The following SLIT3 variants were observed in gnomAD, a reference collection of about 807,000 sequenced individuals.
SLIT3 encodes the protein slit guidance ligand 3.
A neutral mutation model predicts 184.0 loss-of-function variants in SLIT3; 68 were observed. That is an observed-to-expected ratio of 0.37 (90% CI 0.30 to 0.45). SLIT3 has a LOEUF of 0.45. Among genes scored for constraint, SLIT3 ranks in the 20% least tolerant of loss-of-function variants. The pLI is 1.00. For synonymous variants in SLIT3, 831 were observed against 828.6 expected (o/e 1.00, Z -0.05); for missense variants, 1,707 against 2,026.0 (o/e 0.84, Z 3.02).
chr5:168,750,843 A>T (rs1230398806), intron 18 of SLIT3, among the ~76,000 whole-genome samples: 2 of 152,086 alleles, frequency 1.3e-5, no homozygotes, highest in African/African-American at 4.8e-5. Context: ...CAAAACAGCC[A>T]CAAATCCCTG....
At chr5:169,146,568 C>A (rs1419841957) in intron 4 of SLIT3, among the ~76,000 whole-genome samples, 1 of 152,142 alleles carries the variant, frequency 6.6e-6, no homozygotes, top group Admixed American at 6.5e-5. Flanking sequence ...TCTCTGTTAT[C>A]CACCTGCTCA....
intron 30 of SLIT3, 61 bp from the exon 31 acceptor site, chr5:168,685,988 GT>G: frequency 1.3e-6 from 2 of 1,526,614 alleles, no homozygotes; most frequent in Non-Finnish European, 1.8e-6. Context: ...GACAATCACA[GT>G]TACTCAGGCC....
intron 6 of SLIT3, among the ~76,000 whole-genome samples, chr5:168,824,069 CT>C (rs1256169223): frequency 6.6e-6 from 1 of 152,180 alleles, no homozygotes; most frequent in Non-Finnish European, 1.5e-5. Flanking sequence ...CTGCCTCCAC[CT>C]CTCAAGTAGC....
chr5:169,295,563 A>C (rs1767475540), intron 1 of SLIT3, among the ~76,000 whole-genome samples: 1 of 152,254 alleles, frequency 6.6e-6, no homozygotes, highest in Non-Finnish European at 1.5e-5. Context: ...ACAGTGCAAC[A>C]GCAAGATGTA....
chr5:168,796,469 C>A (rs1756569003), intron 9 of SLIT3, among the ~76,000 whole-genome samples: 1 of 152,164 alleles, frequency 6.6e-6, no homozygotes, highest in Non-Finnish European at 1.5e-5. Flanking sequence ...CTGGCCCAGG[C>A]TCAGGATCTC....
chr5:168,739,123 T>C (rs149912016), intron 20 of SLIT3, among the ~76,000 whole-genome samples: 6 of 152,294 alleles, frequency 3.9e-5, no homozygotes, highest in African/African-American at 1.4e-4. Context: ...AAAAAATATA[T>C]TGTATAATGA....
At chr5:168,786,791 G>A (rs1756168903) in intron 11 of SLIT3, among the ~76,000 whole-genome samples, 1 of 152,042 alleles carries the variant, frequency 6.6e-6, no homozygotes, top group Non-Finnish European at 1.5e-5. Context: ...CTCTTCAAAG[G>A]CACTAGAGAA....
At chr5:169,129,044 G>A (rs1761188159) in intron 4 of SLIT3, among the ~76,000 whole-genome samples, 1 of 152,188 alleles carries the variant, frequency 6.6e-6, no homozygotes, top group African/African-American at 2.4e-5. Flanking sequence ...CTTGGACACG[G>A]CAGGGGAGCG....
intron 5 of SLIT3, among the ~76,000 whole-genome samples, chr5:168,854,791 G>A (rs750848451): frequency 3.3e-5 from 5 of 152,340 alleles, no homozygotes; most frequent in Admixed American, 1.3e-4. Flanking sequence ...TAGGGTGTTC[G>A]GGGTGAGTGG....
intron 6 of SLIT3, among the ~76,000 whole-genome samples, chr5:168,842,469 G>GTGT (rs1554147712): frequency 3.4e-5 from 3 of 88,100 alleles, no homozygotes; most frequent in African/African-American, 1.4e-4. Context: ...CCGTTTTTTC[G>GTGT]TTTTTTTTTT....
chr5:169,125,864 C>G (rs1278448865), intron 4 of SLIT3, among the ~76,000 whole-genome samples: 5 of 152,196 alleles, frequency 3.3e-5, no homozygotes, highest in African/African-American at 1.2e-4. Flanking sequence ...ATTTCCTGAG[C>G]AAAGTTCTTT....
chr5:168,849,544 C>T (rs1758599197), intron 5 of SLIT3, among the ~76,000 whole-genome samples: 1 of 152,138 alleles, frequency 6.6e-6, no homozygotes, highest in Admixed American at 6.5e-5. Flanking sequence ...TCATGAAATC[C>T]AACAAGGAAT....
intron 4 of SLIT3, among the ~76,000 whole-genome samples, chr5:169,011,737 G>A (rs1235614550): frequency 6.6e-6 from 1 of 152,188 alleles, no homozygotes; most frequent in Non-Finnish European, 1.5e-5. Context: ...CACTTGAAAA[G>A]TAACCCGATG....
rs569447422 is a variant in SLIT3, at chr5:168,802,899, G to A, written c.935+3547C>T. Among the ~76,000 whole-genome samples the A allele has an allele frequency of 5.3e-5, 8 of 152,296 alleles. No homozygotes were observed. In the South Asian group the frequency reaches 6.2e-4, roughly 12 times the overall value. Reference sequence around the variant, plus strand: ...GTAAGGAGGTGCCATTAGCCTCTGCGTTTTGCAACTGAGGAAACCAAGGCT... The same window carrying A: ...GTAAGGAGGTGCCATTAGCCTCTGCATTTTGCAACTGAGGAAACCAAGGCT... On this transcript the variant is annotated intron_variant, in intron 9 of 35. Transcript: ENST00000519560.
At chr5:168,756,684 A>T (rs1200223385) in intron 16 of SLIT3, among the ~76,000 whole-genome samples, 1 of 152,022 alleles carries the variant, frequency 6.6e-6, no homozygotes, top group Non-Finnish European at 1.5e-5. Context: ...ACTGCCAATT[A>T]CCCCCAAATG....
Position 168,855,939 on chromosome 5 carries a change from T to C in SLIT3, c.486-11284A>G, listed in dbSNP as rs550945496. On this transcript the variant is annotated intron_variant, in intron 5 of 35. Coordinates refer to ENST00000519560, the MANE Select transcript of SLIT3 (RefSeq NM_003062.4). ...CTGGCCAATATGGTGAAACCCCATC[T>C]CTACTAAAAATATAAAAAAATTACC... Among the ~76,000 whole-genome samples the C allele has an allele frequency of 2.8e-4, 43 of 152,198 alleles. No individual in the cohort carries two copies. The South Asian group carries it at 8.9e-3, about 32-fold the overall frequency.
At chr5:169,132,324 A>G (rs774917108) in intron 4 of SLIT3, among the ~76,000 whole-genome samples, 1 of 152,192 alleles carries the variant, frequency 6.6e-6, no homozygotes, top group Non-Finnish European at 1.5e-5. Context: ...GAAAGAGAGG[A>G]AAAAGAAGGC....
chr5:169,269,899 CAATT>C (rs981899692), intron 1 of SLIT3, among the ~76,000 whole-genome samples: 4 of 152,184 alleles, frequency 2.6e-5, no homozygotes, highest in African/African-American at 7.2e-5. Flanking sequence ...AAGGAGGAAA[CAATT>C]CTCTTCTCAG....
intron 4 of SLIT3, among the ~76,000 whole-genome samples, chr5:168,979,670 C>A (rs1002102189): frequency 7.9e-5 from 12 of 152,256 alleles, no homozygotes; most frequent in East Asian, 5.8e-4. Flanking sequence ...GGGCTGGGGC[C>A]AAACAGGACT....
Sources: gnomAD v4.1 joint callset for allele counts (sites outside exome capture counted in the v4.1 genomes callset) on GRCh38, gnomAD v4.1.1 for gene constraint, MANE v1.5 for transcripts, NCBI Gene and HGNC (gene_info 2026-07-23, HGNC 2026-07-21) for gene names.